The following MEGF11 variants were observed in gnomAD, a reference collection of about 807,000 sequenced individuals.
MEGF11 encodes multiple epidermal growth factor-like domains protein 11.
MEGF11 carries 126 observed loss-of-function variants against 146.6 expected under a neutral mutation model. The observed-to-expected ratio is 0.86, with a 90% CI of 0.74 to 1.00. MEGF11 has a LOEUF of 1.00. Ranked by LOEUF, MEGF11 falls within the 50% of genes least tolerant of loss-of-function variation. The pLI is 0.00. For missense variants in MEGF11, 1,509 were observed against 1,521.2 expected, an observed-to-expected ratio of 0.99 and a Z score of 0.13; for synonymous variants, 532 against 583.4, an observed-to-expected ratio of 0.91 and a Z score of 1.27.
chr15:65,920,971 A>G (rs534981117), intron 15 of MEGF11, among the ~76,000 whole-genome samples: 1 of 152,334 alleles, frequency 6.6e-6, no homozygotes, highest in African/African-American at 2.4e-5. Context: ...TGTGTTTAAT[A>G]AGTGAACCTC....
At chr15:66,205,234 A>G (rs2091269450) in intron 1 of MEGF11, among the ~76,000 whole-genome samples, 1 of 152,080 alleles carries the variant, frequency 6.6e-6, no homozygotes, top group Admixed American at 6.5e-5. Context: ...TGAGGCTAGG[A>G]GTTTGCGATC....
intron 8 of MEGF11, among the ~76,000 whole-genome samples, chr15:65,966,761 TCATTTAACCCA>T (rs2081114939): frequency 6.6e-6 from 1 of 152,006 alleles, no homozygotes; most frequent in Non-Finnish European, 1.5e-5. Flanking sequence ...TTATTCAACT[TCATTTAACCCA>T]CAGCCATGGG....
At chr15:66,211,063 G>C (rs72746207) in intron 1 of MEGF11, among the ~76,000 whole-genome samples, 29,369 of 152,078 alleles carry the variant, frequency 0.19, 3,474 homozygotes, top group Admixed American at 0.28. Flanking sequence ...AGAAGAGAGG[G>C]GCTTTGGCCC....
At chr15:66,179,100 C>T (rs559687526) in intron 1 of MEGF11, among the ~76,000 whole-genome samples, 5 of 152,184 alleles carry the variant, frequency 3.3e-5, no homozygotes, top group African/African-American at 1.2e-4. Flanking sequence ...GGAAGCATCA[C>T]AGCCCCAGCT....
At chr15:66,119,273 G>A (rs2140911545) in intron 3 of MEGF11, 87 bp from the exon 4 acceptor site, 1 of 901,736 alleles carries the variant, frequency 1.1e-6, no homozygotes, top group East Asian at 2.7e-5. Context: ...CTATATTGAG[G>A]ATGCCATTCA....
intron 1 of MEGF11, among the ~76,000 whole-genome samples, chr15:66,196,637 C>G (rs900359071): frequency 6.6e-6 from 1 of 152,194 alleles, no homozygotes; most frequent in Non-Finnish European, 1.5e-5. Context: ...GTGGGAAGAA[C>G]GGCTCTTTTG....
intron 1 of MEGF11, among the ~76,000 whole-genome samples, chr15:66,129,519 A>G (rs899871946): frequency 6.6e-6 from 1 of 152,150 alleles, no homozygotes; most frequent in Non-Finnish European, 1.5e-5. Flanking sequence ...AAAAATTACA[A>G]CTTCTAATAA....
intron 4 of MEGF11, among the ~76,000 whole-genome samples, chr15:66,117,178 C>T (rs539945163): frequency 5.3e-5 from 8 of 152,304 alleles, no homozygotes; most frequent in African/African-American, 1.9e-4. Context: ...GAGGAAGAAG[C>T]TGGCAGTGGC....
intron 1 of MEGF11, among the ~76,000 whole-genome samples, chr15:66,226,908 G>A (rs2091865031): frequency 6.6e-6 from 1 of 152,196 alleles, no homozygotes; most frequent in Non-Finnish European, 1.5e-5. Context: ...TTCAGGCTCT[G>A]CTGGGAGGAC....
chr15:66,165,413 C>T (rs553807005), intron 1 of MEGF11, among the ~76,000 whole-genome samples: 4 of 152,342 alleles, frequency 2.6e-5, no homozygotes, highest in Middle Eastern at 6.8e-3. Flanking sequence ...CAAACAGCTT[C>T]AGACCATTTT....
intron 24 of MEGF11, chr15:65,902,434 C>G (rs549118552): frequency 1.3e-5 from 2 of 152,418 alleles, no homozygotes; most frequent in African/African-American, 2.4e-5. Context: ...ATGGACTCTT[C>G]TGTACCCCAT....
At chr15:66,213,581 C>CTTT (rs10572080) in intron 1 of MEGF11, among the ~76,000 whole-genome samples, 2 of 142,674 alleles carry the variant, frequency 1.4e-5, no homozygotes, top group East Asian at 2.0e-4. Context: ...CATCCAGAAA[C>CTTT]TTTTTTTTTT....
At chr15:66,177,512 G>T (rs1676228352) in intron 1 of MEGF11, among the ~76,000 whole-genome samples, 1 of 151,650 alleles carries the variant, frequency 6.6e-6, no homozygotes, top group African/African-American at 2.4e-5. Flanking sequence ...CTCTCCTCTG[G>T]TTCCAGGGGG....
intron 5 of MEGF11, 115 bp downstream of exon 5, chr15:66,094,287 A>G (rs2140677220): frequency 1.4e-6 from 1 of 737,900 alleles, no homozygotes; most frequent in Admixed American, 2.6e-5. Context: ...AGGCCCAGGT[A>G]GCCCACCCCA....
At chr15:66,050,997 G>T (rs2084425228) in intron 5 of MEGF11, among the ~76,000 whole-genome samples, 1 of 152,232 alleles carries the variant, frequency 6.6e-6, no homozygotes, top group Admixed American at 6.5e-5. Context: ...GAATGACTGA[G>T]GGCATCCAGT....
chr15:66,225,822 A>G (rs1228401478), intron 1 of MEGF11, among the ~76,000 whole-genome samples: 1 of 152,202 alleles, frequency 6.6e-6, no homozygotes, highest in Non-Finnish European at 1.5e-5. Flanking sequence ...ACACTGAGGC[A>G]TGCACACAGC....
chr15:65,970,861 G>A (rs2081279558), intron 7 of MEGF11, 172 bp from the exon 8 acceptor site: 2 of 671,844 alleles, frequency 3.0e-6, no homozygotes, highest in Non-Finnish European at 5.0e-6. Flanking sequence ...ATGGGAGACT[G>A]AGGCCAACTT....
intron 10 of MEGF11, among the ~76,000 whole-genome samples, chr15:65,949,217 G>C (rs574627559): frequency 2.4e-4 from 36 of 152,318 alleles, no homozygotes; most frequent in Admixed American, 1.9e-3. Flanking sequence ...CTGCCCAGCT[G>C]GGGGAGGCCG....
chr15:66,248,920 A>G (rs965845750), intron 1 of MEGF11, among the ~76,000 whole-genome samples: 2 of 152,224 alleles, frequency 1.3e-5, no homozygotes, highest in African/African-American at 4.8e-5. Flanking sequence ...CCTCTCAACT[A>G]TAAAATAATC....
Sources: allele counts gnomAD v4.1 joint callset (sites outside exome capture counted in the v4.1 genomes callset), GRCh38; gene constraint gnomAD v4.1.1; transcripts MANE v1.5; gene names NCBI Gene and HGNC (gene_info 2026-07-23, HGNC 2026-07-21).